Variants in DLC1 observed in about 807,000 individuals in gnomAD.
DLC1 encodes the protein DLC1 Rho GTPase activating protein, also known as rho GTPase-activating protein 7.
In DLC1, 54 loss-of-function variants were observed where a neutral mutation model predicts 140.3. That is an observed-to-expected ratio of 0.38 (90% CI 0.31 to 0.48). The LOEUF is 0.48. Ranked by LOEUF, DLC1 falls within the 20% of genes least tolerant of loss-of-function variation. The pLI is 0.96. For missense variants in DLC1, 2,536 were observed against 1,907.0 expected, an observed-to-expected ratio of 1.33 and a Z score of -6.14; for synonymous variants, 986 against 728.1, an observed-to-expected ratio of 1.35 and a Z score of -5.70.
At chr8:13,307,822 A>G (rs985720846) in intron 4 of DLC1, among the ~76,000 whole-genome samples, 1 of 152,210 alleles carries the variant, frequency 6.6e-6, no homozygotes, top group Admixed American at 6.5e-5. Flanking sequence ...TTGTGAGGTC[A>G]TGCTGTCACT....
intron 2 of DLC1, among the ~76,000 whole-genome samples, chr8:13,440,356 T>C (rs1019712557): frequency 2.0e-5 from 3 of 152,158 alleles, no homozygotes; most frequent in African/African-American, 7.2e-5. Flanking sequence ...GCTGCTTTTA[T>C]TATTATTATT....
At chr8:13,586,029 A>G (rs967376414) in intron 1 of DLC1, among the ~76,000 whole-genome samples, 2 of 152,186 alleles carry the variant, frequency 1.3e-5, no homozygotes, top group African/African-American at 4.8e-5. Context: ...ATTCAAGGGA[A>G]TGATTCTCAA....
chr8:13,136,846 C>CT (rs941329531), intron 5 of DLC1, among the ~76,000 whole-genome samples: 2 of 152,148 alleles, frequency 1.3e-5, no homozygotes, highest in Non-Finnish European at 2.9e-5. Flanking sequence ...ATTTCATTCT[C>CT]TTTTTTCATG....
chr8:13,358,783 G>A (rs560321442), intron 4 of DLC1, among the ~76,000 whole-genome samples: 29 of 152,158 alleles, frequency 1.9e-4, no homozygotes, highest in African/African-American at 6.5e-4. Flanking sequence ...ACTAGAGATG[G>A]CCATTTTCTT....
At chr8:13,250,441 T>G (rs1277863624) in intron 5 of DLC1, among the ~76,000 whole-genome samples, 2 of 152,154 alleles carry the variant, frequency 1.3e-5, no homozygotes, top group Non-Finnish European at 2.9e-5. Context: ...CTGATAAAAT[T>G]TATAAACCCT....
chr8:13,533,585 T>A (rs558879952), intron 1 of DLC1, among the ~76,000 whole-genome samples: 6 of 152,204 alleles, frequency 3.9e-5, no homozygotes, highest in Non-Finnish European at 8.8e-5. Context: ...GAAGTTGAGT[T>A]TCTGAGTCCT....
At chr8:13,475,393 C>T (rs1468867826) in intron 2 of DLC1, among the ~76,000 whole-genome samples, 60 of 152,100 alleles carry the variant, frequency 3.9e-4, no homozygotes, top group Non-Finnish European at 2.9e-5. Flanking sequence ...TTTTGAGGGC[C>T]CAGTAAAAGG....
At chr8:13,331,990 C>G (rs1258993212) in intron 4 of DLC1, among the ~76,000 whole-genome samples, 1 of 152,140 alleles carries the variant, frequency 6.6e-6, no homozygotes, top group South Asian at 2.1e-4. Context: ...AGACTCAAAC[C>G]ATGTTAGGTT....
At chr8:13,088,415 A>T in intron 16 of DLC1, 72 bp downstream of exon 16, 1 of 1,507,206 alleles carries the variant, frequency 6.6e-7, no homozygotes, top group African/African-American at 1.4e-5. Context: ...ATCTTGTAAG[A>T]TCAGTGACAT....
At chr8:13,585,638 C>T (rs1805278735) in intron 1 of DLC1, among the ~76,000 whole-genome samples, 2 of 152,148 alleles carry the variant, frequency 1.3e-5, no homozygotes, top group Non-Finnish European at 2.9e-5. Context: ...GGGTTTGTTC[C>T]TTGTGAGGGC....
intron 1 of DLC1, among the ~76,000 whole-genome samples, chr8:13,503,924 T>C (rs1357664966): frequency 6.6e-6 from 1 of 152,138 alleles, no homozygotes; most frequent in African/African-American, 2.4e-5. Flanking sequence ...AACGTTCAAG[T>C]CAAATGGTAT....
At chr8:13,227,677 G>A (rs917051653) in intron 5 of DLC1, among the ~76,000 whole-genome samples, 1 of 152,136 alleles carries the variant, frequency 6.6e-6, no homozygotes, top group Non-Finnish European at 1.5e-5. Context: ...ATCTTTTCAG[G>A]GGGTTAGACA....
chr8:13,603,948 TGTC>T (rs1805967409), intron 1 of DLC1, among the ~76,000 whole-genome samples: 1 of 152,094 alleles, frequency 6.6e-6, no homozygotes, highest in African/African-American at 2.4e-5. Flanking sequence ...ATTAGCTAAT[TGTC>T]AGAAAAGGTA....
At chr8:13,277,451 C>G (rs1018010506) in intron 5 of DLC1, among the ~76,000 whole-genome samples, 1 of 152,168 alleles carries the variant, frequency 6.6e-6, no homozygotes, top group Non-Finnish European at 1.5e-5. Context: ...TAAAAAGTTT[C>G]AAATATCCCC....
At chr8:13,405,611 G>A (rs758100548) in intron 2 of DLC1, among the ~76,000 whole-genome samples, 3 of 152,064 alleles carry the variant, frequency 2.0e-5, no homozygotes, top group Non-Finnish European at 2.9e-5. Context: ...TCTACATGTT[G>A]GTTTCCCTCC....
chr8:13,143,848 G>GAGAGAGAGAGAC (rs1490009372), intron 5 of DLC1, among the ~76,000 whole-genome samples: 3 of 147,716 alleles, frequency 2.0e-5, no homozygotes, highest in African/African-American at 7.6e-5. Context: ...GAGAGAGAGA[G>GAGAGAGAGAGAC]AGAGACATAG....
intron 1 of DLC1, among the ~76,000 whole-genome samples, chr8:13,506,359 A>G (rs1006395220): frequency 6.6e-6 from 1 of 151,832 alleles, no homozygotes; most frequent in African/African-American, 2.4e-5. Flanking sequence ...TATCCTGAAT[A>G]TTTAATGGAA....
intron 2 of DLC1, among the ~76,000 whole-genome samples, chr8:13,403,807 G>GTTTTTTTTTTTTTTTTTTTTT (rs369715973): frequency 3.4e-5 from 3 of 87,296 alleles, no homozygotes; most frequent in Non-Finnish European, 4.1e-5. Context: ...AGGTCTGGCT[G>GTTTTTTTTTTTTTTTTTTTTT]TTTTTTTTTT....
chr8:13,395,004 T>TTCTCTCTATCTA (rs754080889), intron 3 of DLC1, among the ~76,000 whole-genome samples: 1 of 100,770 alleles, frequency 9.9e-6, no homozygotes, highest in Admixed American at 1.0e-4. Context: ...CTACTACATA[T>TTCTCTCTATCTA]TCTATCTATC....
Sources: gnomAD v4.1 joint callset for allele counts (sites outside exome capture counted in the v4.1 genomes callset) on GRCh38, gnomAD v4.1.1 for gene constraint, MANE v1.5 for transcripts, NCBI Gene and HGNC (gene_info 2026-07-23, HGNC 2026-07-21) for gene names.